Variants in TASP1 observed in about 807,000 individuals in gnomAD.
TASP1 encodes the protein taspase 1, also known as threonine aspartase 1.
In TASP1, 16 loss-of-function variants were observed where a neutral mutation model predicts 56.6. That is an observed-to-expected ratio of 0.28 (90% CI 0.19 to 0.43). The LOEUF (loss-of-function observed/expected upper bound fraction) is 0.43, where lower values mean the gene tolerates loss of function less well. Among genes scored for constraint, TASP1 ranks in the 20% least tolerant of loss-of-function variants. The pLI is 1.00. For synonymous variants in TASP1, 179 were observed against 184.2 expected, an observed-to-expected ratio of 0.97 and a Z score of 0.23; for missense variants, 393 against 511.6, an observed-to-expected ratio of 0.77 and a Z score of 2.24.
chr20:13,262,926 C>T, the TASP1 span, among the ~76,000 whole-genome samples: 2 of 152,262 alleles, frequency 1.3e-5, no homozygotes, highest in South Asian at 2.1e-4. Context: ...TACATTCTGC[C>T]GCCATAACTA....
At chr20:13,371,878 T>C in the TASP1 span, among the ~76,000 whole-genome samples, 1 of 152,228 alleles carries the variant, frequency 6.6e-6, no homozygotes, top group Non-Finnish European at 1.5e-5. Context: ...ATTGATCCTC[T>C]CATCATTACA....
chr20:13,108,327 T>G, the TASP1 span, among the ~76,000 whole-genome samples: 1 of 152,244 alleles, frequency 6.6e-6, no homozygotes, highest in Non-Finnish European at 1.5e-5. Context: ...TCATTGAATG[T>G]GGCAGAGTTG....
At chr20:13,142,301 A>G in the TASP1 span, among the ~76,000 whole-genome samples, 23 of 152,228 alleles carry the variant, frequency 1.5e-4, no homozygotes, top group Non-Finnish European at 2.5e-4. Context: ...CTACTGGAGC[A>G]TCCTCTTCAC....
chr20:13,565,996 TG>T (rs1156536101), intron 7 of TASP1, among the ~76,000 whole-genome samples: 2 of 152,170 alleles, frequency 1.3e-5, no homozygotes, highest in Non-Finnish European at 2.9e-5. Flanking sequence ...ATACATACAA[TG>T]AAACACTATT....
chr20:13,216,979 T>C, the TASP1 span, among the ~76,000 whole-genome samples: 11 of 152,306 alleles, frequency 7.2e-5, no homozygotes, highest in South Asian at 6.2e-4. Flanking sequence ...TGTACTAGAA[T>C]GCCCAGGAAG....
chr20:13,136,676 C>T, the TASP1 span, among the ~76,000 whole-genome samples: 1 of 144,638 alleles, frequency 6.9e-6, no homozygotes, highest in African/African-American at 2.5e-5. Flanking sequence ...ATATTATATA[C>T]TTATATAGTA....
intron 13 of TASP1, among the ~76,000 whole-genome samples, chr20:13,404,325 G>A (rs1027237865): frequency 2.0e-5 from 3 of 152,176 alleles, no homozygotes; most frequent in African/African-American, 7.2e-5. Context: ...AAAAGGCCAG[G>A]TGTGCAGTGG....
the TASP1 span, among the ~76,000 whole-genome samples, chr20:13,136,304 T>G: frequency 3.9e-5 from 6 of 152,134 alleles, no homozygotes; most frequent in South Asian, 1.0e-3. Flanking sequence ...TCCTCAGAAA[T>G]AGAGGAATTT....
At chr20:13,556,469 C>T (rs1217559716) in intron 8 of TASP1, among the ~76,000 whole-genome samples, 2 of 152,258 alleles carry the variant, frequency 1.3e-5, no homozygotes, top group East Asian at 1.9e-4. Flanking sequence ...CTACTTTAAA[C>T]TCTTCAATGG....
intron 6 of TASP1, among the ~76,000 whole-genome samples, chr20:13,580,554 G>A (rs1048031666): frequency 2.1e-4 from 32 of 152,282 alleles, no homozygotes; most frequent in African/African-American, 7.0e-4. Flanking sequence ...AATTGGAGCT[G>A]TATCACAGGT....
chr20:13,589,683 AG>A (rs199952294), intron 4 of TASP1, among the ~76,000 whole-genome samples: 1 of 152,196 alleles, frequency 6.6e-6, no homozygotes, highest in Non-Finnish European at 1.5e-5. Context: ...ACAAAATGGA[AG>A]AAAAAATTTC....
the TASP1 span, among the ~76,000 whole-genome samples, chr20:13,107,547 C>T: frequency 1.3e-5 from 2 of 152,002 alleles, no homozygotes; most frequent in East Asian, 3.8e-4. Flanking sequence ...GTGAAAAGAA[C>T]ACAATAGTGA....
At chr20:13,287,718 AG>A in the TASP1 span, among the ~76,000 whole-genome samples, 3 of 152,218 alleles carry the variant, frequency 2.0e-5, no homozygotes, top group East Asian at 5.8e-4. Flanking sequence ...ACATACAAAA[AG>A]GGTTCAATAG....
the TASP1 span, among the ~76,000 whole-genome samples, chr20:13,206,932 T>C: frequency 6.6e-6 from 1 of 152,178 alleles, no homozygotes; most frequent in African/African-American, 2.4e-5. Flanking sequence ...GGAGGGGTTA[T>C]ATAGATGTGG....
the TASP1 span, among the ~76,000 whole-genome samples, chr20:13,247,517 G>GGT: frequency 0.059 from 8,276 of 139,742 alleles, 238 homozygotes; most frequent in Admixed American, 0.086. Flanking sequence ...CAAAGTGAGG[G>GGT]GTGTGTGTGT....
rs78079100 is a variant in TASP1 at position 13,486,871 on chromosome 20, T to C, written c.875-3534A>G. Among the ~76,000 whole-genome samples the C allele has an allele frequency of 3.3e-5, 5 of 152,316 alleles. No homozygotes were observed. The East Asian group carries it at 9.6e-4, about 29-fold the overall frequency. ...AGAACATCTGCAAAAAGACCTACAG[T>C]TGCATCATACTTAATGATGAAACGC... On this transcript the variant is annotated intron_variant, in intron 10 of 13. Coordinates refer to ENST00000337743, the MANE Select transcript of TASP1 (RefSeq NM_017714.3).
At chr20:13,276,080 G>A in the TASP1 span, among the ~76,000 whole-genome samples, 1 of 152,196 alleles carries the variant, frequency 6.6e-6, no homozygotes, top group South Asian at 2.1e-4. Context: ...TTCTTTCCAT[G>A]GCAGTTATCG....
intron 10 of TASP1, among the ~76,000 whole-genome samples, chr20:13,489,968 C>T (rs1228219860): frequency 6.6e-6 from 1 of 152,114 alleles, no homozygotes; most frequent in African/African-American, 2.4e-5. Context: ...AAACTATATA[C>T]GTGGCTCTTT....
At chr20:13,638,521 A>T (rs2049395406) in intron 1 of TASP1, among the ~76,000 whole-genome samples, 2 of 152,102 alleles carry the variant, frequency 1.3e-5, no homozygotes, top group East Asian at 1.9e-4. Context: ...CCCGCCACCC[A>T]GGACAAGGCG....
Sources: gnomAD v4.1 joint callset for allele counts (sites outside exome capture counted in the v4.1 genomes callset) on GRCh38, gnomAD v4.1.1 for gene constraint, MANE v1.5 for transcripts, NCBI Gene and HGNC (gene_info 2026-07-23, HGNC 2026-07-21) for gene names.